Variants in ITGA9 observed in about 807,000 individuals in gnomAD.
ITGA9 encodes integrin subunit alpha 9, also known as integrin alpha-9.
In ITGA9, 56 loss-of-function variants were observed where a neutral mutation model predicts 127.8. The ratio of observed to expected loss-of-function variants is 0.44; its 90% CI spans 0.35 to 0.55. ITGA9 has a LOEUF of 0.55. Among genes scored for constraint, ITGA9 ranks in the 20% least tolerant of loss-of-function variants. The probability of loss-of-function intolerance (pLI) is 0.00; values close to 1 mark genes in which losing one functional copy is unlikely to be tolerated. For missense variants in ITGA9, 1,196 were observed against 1,347.1 expected, an observed-to-expected ratio of 0.89 and a Z score of 1.76; for synonymous variants, 508 against 514.5, an observed-to-expected ratio of 0.99 and a Z score of 0.17.
intron 23 of ITGA9, among the ~76,000 whole-genome samples, chr3:37,768,030 C>T (rs1010725280): frequency 6.6e-6 from 1 of 152,092 alleles, no homozygotes; most frequent in Non-Finnish European, 1.5e-5. Flanking sequence ...AGCATCCACC[C>T]TTTGTAGGTT....
At chr3:37,662,391 CA>C (rs34313581) in intron 17 of ITGA9, among the ~76,000 whole-genome samples, 1 of 151,434 alleles carries the variant, frequency 6.6e-6, no homozygotes, top group African/African-American at 2.4e-5. Context: ...TGACCGGGGG[CA>C]AAAAAATAAT....
intron 16 of ITGA9, among the ~76,000 whole-genome samples, chr3:37,650,096 C>T (rs930166786): frequency 6.6e-6 from 1 of 152,176 alleles, no homozygotes; most frequent in African/African-American, 2.4e-5. Flanking sequence ...CAGTCAGTGT[C>T]TCCTGTGAGC....
intron 4 of ITGA9, among the ~76,000 whole-genome samples, chr3:37,492,668 G>A (rs1559519622): frequency 6.6e-6 from 1 of 152,232 alleles, no homozygotes; most frequent in Non-Finnish European, 1.5e-5. Flanking sequence ...AGAAATTTAT[G>A]AGGCTGAACT....
intron 15 of ITGA9, among the ~76,000 whole-genome samples, chr3:37,557,515 T>C (rs1699442737): frequency 6.6e-6 from 1 of 151,728 alleles, no homozygotes; most frequent in African/African-American, 2.4e-5. Flanking sequence ...TTCATGGGAG[T>C]TGGAACAATG....
At position 37,557,047 on chromosome 3, in the gene ITGA9, G is replaced by GT. The variant is rs541999138; in HGVS notation, c.1689+14469dup. 1.8e-3 allele frequency among the ~76,000 whole-genome samples: 271 copies of GT among 152,276 alleles called. 1 individual carries two copies. The highest frequency in any genetic ancestry group is 6.2e-3 in the African/African-American group (259 of 41,572). The stretch of plus-strand genomic sequence containing the variant: ...ACTGACTGAGCTTGACTTTTCAGCA[G>GT]TTTTTTTAAACTTCACTGCAGTGTT... On this transcript the variant is annotated intron_variant, in intron 15 of 27. Coordinates refer to ENST00000264741, the MANE Select transcript of ITGA9 (RefSeq NM_002207.3).
At chr3:37,810,412 C>G (rs1697352725) in intron 27 of ITGA9, among the ~76,000 whole-genome samples, 1 of 151,812 alleles carries the variant, frequency 6.6e-6, no homozygotes, top group South Asian at 2.1e-4. Context: ...CAGCCCTCAC[C>G]TAGTCTGTTT....
Position 37,814,703 on chromosome 3 carries a change from ACT to A in ITGA9, c.3010-4185_3010-4184del, listed in dbSNP as rs938458570. On this transcript the variant is annotated intron_variant, in intron 27 of 27. Coordinates refer to ENST00000264741, the MANE Select transcript of ITGA9 (RefSeq NM_002207.3). This position sits in a 1 kb window ranked among gnomAD's most constrained non-coding sequence, Gnocchi z 4.3. ...CCATCTGTCAGAAAAAATTCAGAAA[ACT>A]CTGATTTTATGAGAACAAGACACTC... Among the ~76,000 whole-genome samples, 6 of 151,976 alleles carry A rather than the reference ACT, an allele frequency of 3.9e-5. No homozygotes were observed. The highest frequency in any genetic ancestry group is 1.5e-4 in the African/African-American group (6 of 41,354).
chr3:37,689,849 A>G (rs1700814877), intron 18 of ITGA9, among the ~76,000 whole-genome samples: 1 of 152,240 alleles, frequency 6.6e-6, no homozygotes, highest in South Asian at 2.1e-4. Flanking sequence ...TTGTTTGGAC[A>G]GCAGTTGTTG....
intron 1 of ITGA9, among the ~76,000 whole-genome samples, chr3:37,462,665 C>T (rs1698327841): frequency 6.6e-6 from 1 of 152,154 alleles, no homozygotes; most frequent in Non-Finnish European, 1.5e-5. Flanking sequence ...TCCAAGGTAT[C>T]AGGTTTCTAA....
chr3:37,750,692 T>TG (rs1696573163), intron 23 of ITGA9, 123 bp downstream of exon 23: 1 of 753,254 alleles, frequency 1.3e-6, no homozygotes, highest in Non-Finnish European at 2.4e-6. Flanking sequence ...TTCTACCCTT[T>TG]GGAGACATAT....
chr3:37,627,600 G>T (rs1054113911), intron 15 of ITGA9, among the ~76,000 whole-genome samples: 5 of 152,144 alleles, frequency 3.3e-5, no homozygotes, highest in African/African-American at 7.2e-5. Context: ...GTTTAACTTG[G>T]TGTCCCATGC....
chr3:37,706,005 T>C (rs1490652307), intron 18 of ITGA9, among the ~76,000 whole-genome samples: 3 of 152,214 alleles, frequency 2.0e-5, no homozygotes, highest in Non-Finnish European at 4.4e-5. Context: ...TGGTGGGGAC[T>C]TAAGGTTGGA....
At chr3:37,465,477 C>T (rs1444962522) in intron 1 of ITGA9, among the ~76,000 whole-genome samples, 33 of 152,316 alleles carry the variant, frequency 2.2e-4, no homozygotes, top group Admixed American at 3.3e-4. Context: ...CTGCCACTTA[C>T]TGGTGGTGTG....
chr3:37,809,878 T>C (rs950283799), intron 27 of ITGA9, among the ~76,000 whole-genome samples: 14 of 152,212 alleles, frequency 9.2e-5, no homozygotes, highest in African/African-American at 3.4e-4. Flanking sequence ...GACCTGTTAA[T>C]TGATGGTCTA....
intron 19 of ITGA9, among the ~76,000 whole-genome samples, chr3:37,733,602 C>T (rs1469940334): frequency 1.3e-5 from 2 of 148,704 alleles, no homozygotes; most frequent in Non-Finnish European, 3.0e-5. Flanking sequence ...TTTTAATCTC[C>T]AAGGCTCTTT....
In ITGA9 at chr3:37,736,953, A is replaced by C. The variant is rs771450462; in HGVS notation, c.2204A>C (p.Glu735Ala). The C allele has an allele frequency of 6.2e-6, 10 of 1,613,340 alleles. No individual in the cohort carries two copies. In the Admixed American group the frequency reaches 1.7e-4, roughly 27 times the overall value. ...FDTSHLSGEE[E>A]VLSFIVTAQS... is the part of the protein sequence containing the mutation. ...ACAAGCCACCTGTCTGGGGAAGAGG[A>C]AGTTCTCAGCTTCATTGTTACTGCT... The change falls in exon 20 of 28, where the codon GAA (glutamate) becomes GCA (alanine). Residue 735 changes from glutamate to alanine, a missense_variant. By Grantham distance (107) the Glu-to-Ala change is moderately radical (BLOSUM62 -1). Coordinates refer to ENST00000264741, the MANE Select transcript of ITGA9 (RefSeq NM_002207.3).
intron 4 of ITGA9, among the ~76,000 whole-genome samples, chr3:37,484,415 C>G (rs1488178417): frequency 6.6e-6 from 1 of 152,162 alleles, no homozygotes; most frequent in African/African-American, 2.4e-5. Context: ...GCATCTCCAC[C>G]TCCCTGTTTT....
At chr3:37,485,876 G>T (rs1010047269) in intron 4 of ITGA9, among the ~76,000 whole-genome samples, 3 of 152,184 alleles carry the variant, frequency 2.0e-5, no homozygotes, top group Non-Finnish European at 2.9e-5. Context: ...AGTTTAGTTT[G>T]TGTTTGTCTG....
chr3:37,519,570 A>T (rs1699024032), intron 11 of ITGA9, among the ~76,000 whole-genome samples: 1 of 152,248 alleles, frequency 6.6e-6, no homozygotes, highest in Non-Finnish European at 1.5e-5. Flanking sequence ...TCAGGGATGC[A>T]TTTTGCCTAA....
Sources: gnomAD v4.1 joint callset for allele counts (sites outside exome capture counted in the v4.1 genomes callset) on GRCh38, gnomAD v4.1.1 for gene constraint, Gnocchi (gnomAD v3.1) non-coding constraint, MANE v1.5 for transcripts, NCBI Gene and HGNC (gene_info 2026-07-23, HGNC 2026-07-21) for gene names.